Variants in XYLT1 observed in about 807,000 individuals in gnomAD.
XYLT1 encodes xylosyltransferase 1.
A neutral mutation model predicts 91.3 loss-of-function variants in XYLT1; 36 were observed. The ratio of observed to expected loss-of-function variants is 0.39; its 90% CI spans 0.30 to 0.52. The LOEUF (loss-of-function observed/expected upper bound fraction) is 0.52, where lower values mean the gene tolerates loss of function less well. XYLT1 is among the 20% of genes least tolerant of loss of function. XYLT1 has a pLI of 0.68. For synonymous variants in XYLT1, 588 were observed against 532.0 expected, an observed-to-expected ratio of 1.11 and a Z score of -1.45; for missense variants, 1,242 against 1,284.5, an observed-to-expected ratio of 0.97 and a Z score of 0.51.
chr16:17,246,743 C>T (rs1043576818), intron 3 of XYLT1, among the ~76,000 whole-genome samples: 13 of 152,186 alleles, frequency 8.5e-5, no homozygotes, highest in African/African-American at 1.4e-4. Flanking sequence ...GTCCTAGCCC[C>T]GTGCAGGCAG....
intron 1 of XYLT1, among the ~76,000 whole-genome samples, chr16:17,428,137 T>C (rs940187327): frequency 6.6e-6 from 1 of 152,076 alleles, no homozygotes; most frequent in African/African-American, 2.4e-5. Context: ...GCACACACCA[T>C]CACGCACAGC....
chr16:17,324,597 C>T (rs544009557), intron 2 of XYLT1, among the ~76,000 whole-genome samples: 2 of 152,350 alleles, frequency 1.3e-5, no homozygotes, highest in African/African-American at 4.8e-5. Context: ...CGTTTCTGAG[C>T]GCGTCTTCGT....
At chr16:17,330,104 T>TACACACACAC (rs35148093) in intron 2 of XYLT1, among the ~76,000 whole-genome samples, 25,817 of 144,380 alleles carry the variant, frequency 0.18, 2,579 homozygotes, top group Middle Eastern at 0.29. Flanking sequence ...TGGAGGTAGA[T>TACACACACAC]ACACACACAC....
chr16:17,331,648 A>G (rs2034900696), intron 2 of XYLT1, among the ~76,000 whole-genome samples: 1 of 152,210 alleles, frequency 6.6e-6, no homozygotes, highest in African/African-American at 2.4e-5. Flanking sequence ...ACACACACAC[A>G]TATGGTAGAT....
At chr16:17,310,207 C>A (rs2034525947) in intron 2 of XYLT1, among the ~76,000 whole-genome samples, 1 of 152,210 alleles carries the variant, frequency 6.6e-6, no homozygotes, top group Non-Finnish European at 1.5e-5. Context: ...TGCTTCTGGG[C>A]AGTATCTTTA....
chr16:17,136,999 G>C (rs890765579), intron 8 of XYLT1, among the ~76,000 whole-genome samples: 1 of 152,134 alleles, frequency 6.6e-6, no homozygotes, highest in African/African-American at 2.4e-5. Context: ...TCATTGAATA[G>C]GTCAAACAAA....
intron 3 of XYLT1, among the ~76,000 whole-genome samples, chr16:17,244,214 T>C (rs1018438061): frequency 6.6e-6 from 1 of 152,058 alleles, no homozygotes; most frequent in Non-Finnish European, 1.5e-5. Flanking sequence ...CTGGCAGAAG[T>C]GTGATTTCTC....
chr16:17,409,342 AT>A (rs1012112694), intron 1 of XYLT1, among the ~76,000 whole-genome samples: 1 of 152,170 alleles, frequency 6.6e-6, no homozygotes, highest in Non-Finnish European at 1.5e-5. Flanking sequence ...TGGACCTGCT[AT>A]TTCTCGACAG....
chr16:17,146,751 T>C (rs2031143827), intron 6 of XYLT1, among the ~76,000 whole-genome samples: 2 of 152,198 alleles, frequency 1.3e-5, no homozygotes, highest in African/African-American at 2.4e-5. Flanking sequence ...CACATTGTTA[T>C]ACTCAGGAAA....
At chr16:17,443,729 C>T (rs952497051) in intron 1 of XYLT1, among the ~76,000 whole-genome samples, 3 of 152,318 alleles carry the variant, frequency 2.0e-5, no homozygotes, top group African/African-American at 4.8e-5. Context: ...CCCCATGGGT[C>T]TTAACCTATC....
intron 2 of XYLT1, among the ~76,000 whole-genome samples, chr16:17,349,386 TCTAC>T (rs944405755): frequency 4.6e-5 from 7 of 152,088 alleles, no homozygotes; most frequent in African/African-American, 9.7e-5. Context: ...TATTGATATC[TCTAC>T]CTATCTTGTA....
chr16:17,435,166 G>A (rs1050110807), intron 1 of XYLT1, among the ~76,000 whole-genome samples: 1 of 152,204 alleles, frequency 6.6e-6, no homozygotes, highest in Non-Finnish European at 1.5e-5. Flanking sequence ...AGAGTCAGGG[G>A]TTACACCAGG....
At chr16:17,327,979 G>A (rs891404738) in intron 2 of XYLT1, among the ~76,000 whole-genome samples, 3 of 152,034 alleles carry the variant, frequency 2.0e-5, no homozygotes, top group South Asian at 2.1e-4. Flanking sequence ...CTTGACTATC[G>A]TTACTCTGAA....
rs145129727 is a variant in XYLT1, at chr16:17,118,050, A to T, written c.2224-71T>A. ...GGGCTAGGTCTCAGAAAGGTCTAGG[A>T]TCCCCTTTGTTAGCTTTCATATACC... On this transcript the variant is annotated intron_variant, in intron 10 of 11. Coordinates refer to ENST00000261381, the MANE Select transcript of XYLT1 (RefSeq NM_022166.4). 5,847 of 1,482,284 alleles carry T rather than the reference A, an allele frequency of 3.9e-3. 14 individuals carry two copies. The highest frequency in any genetic ancestry group is 4.9e-3 in the Non-Finnish European group (5,408 of 1,097,946). 91.8% of individuals were successfully genotyped at this position (1,482,284 alleles called of 1,614,324 possible). A position where few individuals can be genotyped will look rare whatever the true frequency, so the allele number is the denominator to read the frequency against.
intron 3 of XYLT1, among the ~76,000 whole-genome samples, chr16:17,206,290 G>A (rs566554250): frequency 6.6e-6 from 1 of 152,228 alleles, no homozygotes; most frequent in Admixed American, 6.5e-5. Context: ...TGTTAGATCT[G>A]GGTGGGAGAT....
chr16:17,446,853 G>A (rs1476742088), intron 1 of XYLT1, among the ~76,000 whole-genome samples: 2 of 147,912 alleles, frequency 1.4e-5, no homozygotes, highest in African/African-American at 5.3e-5. Context: ...CCTTCTCAGG[G>A]CCCAGGGTCA....
chr16:17,371,304 G>A (rs909512099), intron 1 of XYLT1, among the ~76,000 whole-genome samples: 4 of 152,180 alleles, frequency 2.6e-5, no homozygotes, highest in African/African-American at 9.7e-5. Context: ...TCCTAAGACT[G>A]CCACATAGAA....
rs560279598 is a variant in XYLT1, at chr16:17,335,642, C to T, written c.402+22370G>A. Among the ~76,000 whole-genome samples, 8 of 148,218 alleles carry T rather than the reference C, an allele frequency of 5.4e-5. No individual in the cohort carries two copies. The East Asian group carries it at 7.9e-4, about 15-fold the overall frequency. ...CCGGAAGGCAGAAGTTGCAGTGAGC[C>T]GAGATAGCGTCATTGCACTCTAGCC... On this transcript the variant is annotated intron_variant, in intron 2 of 11. Coordinates refer to ENST00000261381, the MANE Select transcript of XYLT1 (RefSeq NM_022166.4).
intron 2 of XYLT1, among the ~76,000 whole-genome samples, chr16:17,356,410 C>A (rs1336346470): frequency 6.6e-6 from 1 of 152,130 alleles, no homozygotes; most frequent in African/African-American, 2.4e-5. Flanking sequence ...TACTTCCCTG[C>A]CGGCCCTGGC....
Sources: gnomAD v4.1 joint callset for allele counts (sites outside exome capture counted in the v4.1 genomes callset) on GRCh38, gnomAD v4.1.1 for gene constraint, MANE v1.5 for transcripts, NCBI Gene and HGNC (gene_info 2026-07-23, HGNC 2026-07-21) for gene names.